Variants in FOXN2 observed in about 807,000 individuals in gnomAD.
FOXN2 encodes the protein forkhead box protein N2.
Under a neutral mutation model 41.2 loss-of-function variants are expected in FOXN2, and 19 were observed. That is an observed-to-expected ratio of 0.46 (90% CI 0.32 to 0.68). The LOEUF is 0.68. Ranked by LOEUF, FOXN2 falls within the 30% of genes least tolerant of loss-of-function variation. The pLI, the probability that FOXN2 is intolerant of heterozygous loss-of-function variation, is 0.03. For missense variants in FOXN2, 587 were observed against 509.4 expected, an observed-to-expected ratio of 1.15 and a Z score of -1.47; for synonymous variants, 195 against 176.8, an observed-to-expected ratio of 1.10 and a Z score of -0.82.
chr2:48,339,230 T>A (rs1317301390), intron 2 of FOXN2, among the ~76,000 whole-genome samples: 1 of 152,140 alleles, frequency 6.6e-6, no homozygotes, highest in Admixed American at 6.5e-5. Flanking sequence ...AGAGTTGATA[T>A]GGTCTGGCTC....
intron 3 of FOXN2, among the ~76,000 whole-genome samples, chr2:48,350,437 G>T (rs902326765): frequency 6.6e-6 from 1 of 152,198 alleles, no homozygotes; most frequent in Non-Finnish European, 1.5e-5. Context: ...GGGATAGCTA[G>T]GTTTTATACT....
chr2:48,320,735 T>TTTAAAAAA (rs1370079986), intron 1 of FOXN2, among the ~76,000 whole-genome samples: 1 of 152,226 alleles, frequency 6.6e-6, no homozygotes. Flanking sequence ...ATCTGAAGTC[T>TTTAAAAAA]TTAAAAAATG....
Position 48,376,431 on chromosome 2 carries a change from A to G in FOXN2, c.*988A>G, listed in dbSNP as rs1673252405. Reference sequence around the variant, plus strand: ...CATACATAAAGTAGGTCATTTAGGAAAAAACTTCTGTCCAAGCTTTGTATG... The same window carrying G: ...CATACATAAAGTAGGTCATTTAGGAGAAAACTTCTGTCCAAGCTTTGTATG... On this transcript the variant is annotated 3_prime_UTR_variant, in exon 7 of 7. Transcript: ENST00000340553. The G allele has an allele frequency of 6.6e-6, 1 of 152,342 alleles. No individual in the cohort carries two copies. The highest frequency in any genetic ancestry group is 1.5e-5 in the Non-Finnish European group (1 of 67,970). The allele number at this position is 152,342 out of a possible 1,614,324, so 9.4% of individuals were successfully genotyped here. A position where few individuals can be genotyped will look rare whatever the true frequency, so the allele number is the denominator to read the frequency against.
At chr2:48,317,245 T>C (rs1668976941) in intron 1 of FOXN2, among the ~76,000 whole-genome samples, 1 of 151,960 alleles carries the variant, frequency 6.6e-6, no homozygotes, top group Non-Finnish European at 1.5e-5. Context: ...GGTTAGGAGT[T>C]TGAGACCAGC....
At chr2:48,365,560 A>C (rs563333985) in intron 5 of FOXN2, among the ~76,000 whole-genome samples, 1 of 152,138 alleles carries the variant, frequency 6.6e-6, no homozygotes, top group Non-Finnish European at 1.5e-5. Context: ...CATTTCCACA[A>C]GTTTTTGCTG....
At chr2:48,371,998 C>T (rs1431386093) in intron 5 of FOXN2, among the ~76,000 whole-genome samples, 1 of 152,158 alleles carries the variant, frequency 6.6e-6, no homozygotes, top group Non-Finnish European at 1.5e-5. Flanking sequence ...GACTTCCTCT[C>T]TTCCAACATA....
chr2:48,365,086 G>T (rs1298219945), intron 5 of FOXN2, among the ~76,000 whole-genome samples: 1 of 152,114 alleles, frequency 6.6e-6, no homozygotes, highest in African/African-American at 2.4e-5. Flanking sequence ...TTGGAGCCTG[G>T]AGACATTTTC....
intron 2 of FOXN2, chr2:48,340,803 A>G (rs984609993): frequency 2.0e-5 from 3 of 152,232 alleles, no homozygotes; most frequent in Admixed American, 2.0e-4. Context: ...CTCATTGGCT[A>G]CGATACTGCT....
intron 5 of FOXN2, among the ~76,000 whole-genome samples, chr2:48,364,779 AAAATTT>A (rs1224056002): frequency 1.3e-5 from 2 of 152,272 alleles, no homozygotes; most frequent in Non-Finnish European, 2.9e-5. Context: ...AAATAACAAT[AAAATTT>A]CAAGACTGTG....
chr2:48,315,428 T>C (rs986452706), intron 1 of FOXN2, among the ~76,000 whole-genome samples: 1 of 152,078 alleles, frequency 6.6e-6, no homozygotes, highest in East Asian at 1.9e-4. Context: ...CCCGGCACCC[T>C]CTCGCCCCTC....
At position 48,323,848 on chromosome 2, in the gene FOXN2, A is replaced by G. The variant is rs542450554; in HGVS notation, c.-156-4713A>G. ...TTCTCGGTTTTCTTCTAGAATTTTT[A>G]TAGTATAGTTTCAGGTCTTACATTT... On this transcript the variant is annotated intron_variant, in intron 1 of 6. Coordinates refer to ENST00000340553, the MANE Select transcript of FOXN2 (RefSeq NM_002158.4). Among the ~76,000 whole-genome samples, 109 of 152,128 alleles carry G rather than the reference A, an allele frequency of 7.2e-4. 1 individual carries two copies. The highest frequency in any genetic ancestry group is 2.3e-3 in the African/African-American group (97 of 41,510).
At chr2:48,325,791 A>C (rs1669624273) in intron 1 of FOXN2, among the ~76,000 whole-genome samples, 1 of 151,902 alleles carries the variant, frequency 6.6e-6, no homozygotes, top group Admixed American at 6.6e-5. Flanking sequence ...GGGAGAGTAG[A>C]ACTGGGGCCC....
chr2:48,338,790 G>C (rs1670539762), intron 2 of FOXN2, among the ~76,000 whole-genome samples: 1 of 152,170 alleles, frequency 6.6e-6, no homozygotes, highest in Non-Finnish European at 1.5e-5. Flanking sequence ...TTTTTGGTGA[G>C]TTGAAGATTT....
chr2:48,352,871 C>A (rs771445803), intron 3 of FOXN2, among the ~76,000 whole-genome samples: 2 of 152,064 alleles, frequency 1.3e-5, no homozygotes, highest in Non-Finnish European at 2.9e-5. Context: ...GGGTTAGATT[C>A]AAGAAAAAGC....
At chr2:48,355,622 C>T (rs749909955) in intron 3 of FOXN2, among the ~76,000 whole-genome samples, 1 of 151,728 alleles carries the variant, frequency 6.6e-6, no homozygotes, top group Admixed American at 6.6e-5. Context: ...TTCTTCCAAT[C>T]TGTGGAAGCC....
intron 2 of FOXN2, among the ~76,000 whole-genome samples, chr2:48,335,944 C>T (rs1302416471): frequency 6.6e-6 from 1 of 151,578 alleles, no homozygotes; most frequent in African/African-American, 2.4e-5. Flanking sequence ...AGGAGAATGG[C>T]ATGAACCCAG....
At chr2:48,313,971 A>C (rs540568109), upstream of FOXN2, among the ~76,000 whole-genome samples, 2 of 152,350 alleles carry the variant, frequency 1.3e-5, no homozygotes, top group East Asian at 1.9e-4. Context: ...TGAAGTCCTT[A>C]GCTTCTGTAA....
At chr2:48,335,335 G>A in intron 2 of FOXN2, among the ~76,000 whole-genome samples, 1 of 130,518 alleles carries the variant, frequency 7.7e-6, no homozygotes, top group East Asian at 1.9e-4. Context: ...CAAATATGCT[G>A]TTGAAAAGTT....
At chr2:48,358,259 T>TA (rs1360096088) in intron 3 of FOXN2, among the ~76,000 whole-genome samples, 2 of 151,878 alleles carry the variant, frequency 1.3e-5, no homozygotes, top group African/African-American at 2.4e-5. Context: ...CAGCAACCCT[T>TA]ACGTACGTCA....
Sources: gnomAD v4.1 joint callset for allele counts (sites outside exome capture counted in the v4.1 genomes callset) on GRCh38, gnomAD v4.1.1 for gene constraint, MANE v1.5 for transcripts, NCBI Gene and HGNC (gene_info 2026-07-23, HGNC 2026-07-21) for gene names.